Variants in DAZAP1 observed in about 807,000 individuals in gnomAD.
DAZAP1 encodes DAZ associated protein 1, also known as DAZ-associated protein 1.
DAZAP1 carries 6 observed loss-of-function variants against 60.1 expected under a neutral mutation model. That is an observed-to-expected ratio of 0.10 (90% confidence interval 0.05 to 0.20). The LOEUF (loss-of-function observed/expected upper bound fraction) is 0.20, where lower values mean the gene tolerates loss of function less well. Among genes scored for constraint, DAZAP1 ranks in the 10% least tolerant of loss-of-function variants. The pLI is 1.00. For synonymous variants in DAZAP1, 235 were observed against 215.9 expected, an observed-to-expected ratio of 1.09 and a Z score of -0.78; for missense variants, 366 against 560.4, an observed-to-expected ratio of 0.65 and a Z score of 3.50.
chr19:1,409,711 C>T (rs2082770323), intron 1 of DAZAP1: 1 of 152,506 alleles, frequency 6.6e-6, no homozygotes, highest in South Asian at 2.1e-4. Context: ...TGCTTGTGAC[C>T]CTGCGAAGCG....
rs1290769008 is a variant in DAZAP1 at position 1,422,551 on chromosome 19, T to G, written c.463+155T>G. On this transcript the variant is annotated intron_variant, in intron 6 of 11. Transcript: ENST00000233078. The surrounding 1 kb of genome is among the most constrained non-coding windows in gnomAD (Gnocchi z 4.5). Reference sequence around the variant, plus strand: ...AAATGACTAAAACGTGGGCTCCTCATGTGCACCCCATTCAGCCTGTCTGTG... The same window carrying G: ...AAATGACTAAAACGTGGGCTCCTCAGGTGCACCCCATTCAGCCTGTCTGTG... 1.3e-5 allele frequency among the ~76,000 whole-genome samples: 2 copies of G among 152,226 alleles called. No homozygotes were observed. Among genetic ancestry groups the G allele is most frequent in the Non-Finnish European group, 2.9e-5 (2 of 68,032 alleles).
rs750188099 is a variant in DAZAP1 at position 1,434,846 on chromosome 19, C to A, written c.1158C>A (p.Ala386=). 8.1e-6 allele frequency: 13 copies of A among 1,603,368 alleles called. No individual in the cohort carries two copies. The African/African-American group carries it at 1.6e-4, about 20-fold the overall frequency. Residue 386 remains alanine, a synonymous_variant, in exon 12 of 12, where the codon GCC becomes GCA. Transcript: ENST00000233078. This position sits in a 1 kb window ranked among gnomAD's most constrained non-coding sequence, Gnocchi z 8.0. The part of the protein sequence containing the change: ...PSVPGSGGPP[A]GGSGFGRGQN... ...TGCCAGGGTCGGGGGGCCCCCCCGC[C>A]GGCGGCAGCGGCTTTGGACGAGGGC...
In DAZAP1 at chr19:1,418,383, C is replaced by G; in HGVS notation, c.237+13C>G. 6.2e-7 allele frequency: 1 copy of G among 1,609,934 alleles called. No individual in the cohort carries two copies. Among genetic ancestry groups the G allele is most frequent in the Non-Finnish European group, 8.5e-7 (1 of 1,177,010 alleles). ...AGATGGCCGAAACGTAAGTGCCCTT[C>G]CGGGAGCTCACACCCGCTCTCTGTC... On this transcript the variant is annotated intron_variant, in intron 3 of 11. Coordinates refer to ENST00000233078, the MANE Select transcript of DAZAP1 (RefSeq NM_018959.4). The surrounding 1 kb of genome is among the most constrained non-coding windows in gnomAD (Gnocchi z 5.7).
rs187218120 is a variant in DAZAP1, at chr19:1,433,218, C to T, written c.1048+528C>T. On this transcript the variant is annotated intron_variant, in intron 11 of 11. Coordinates refer to ENST00000233078, the MANE Select transcript of DAZAP1 (RefSeq NM_018959.4). This position sits in a 1 kb window ranked among gnomAD's most constrained non-coding sequence, Gnocchi z 6.1. ...GATCTGCAGGCAGCGCATGTGCTTC[C>T]GGGGCAGGAGCTTGTGGGGGGGCGG... The T allele has an allele frequency of 1.3e-3, 202 of 159,818 alleles. No individual in the cohort carries two copies. The highest frequency in any genetic ancestry group is 1.9e-3 in the Non-Finnish European group (151 of 79,960). 9.9% of individuals were successfully genotyped at this position (159,818 alleles called of 1,614,324 possible).
intron 8 of DAZAP1, among the ~76,000 whole-genome samples, chr19:1,429,355 G>A (rs2144897377): frequency 6.6e-6 from 1 of 152,266 alleles, no homozygotes; most frequent in East Asian, 1.9e-4. Context: ...TCGGGGTGCT[G>A]CCCCTGGGGG....
At chr19:1,411,187 C>T (rs1416367011) in intron 1 of DAZAP1, among the ~76,000 whole-genome samples, 1 of 152,230 alleles carries the variant, frequency 6.6e-6, no homozygotes, top group Admixed American at 6.5e-5. Context: ...GCCGTGCCGG[C>T]CTTTCTGGGG....
Position 1,432,316 on chromosome 19 carries a change from T to G in DAZAP1, c.872-198T>G. 3 of 620,238 alleles carry G rather than the reference T, an allele frequency of 4.8e-6. No individual in the cohort carries two copies. The highest frequency in any genetic ancestry group is 8.6e-6 in the Non-Finnish European group (3 of 350,236). The allele number at this position is 620,238 out of a possible 1,614,324, so 38.4% of individuals were successfully genotyped here. ...CAGCATCCCGCCACGCTCCCAGGAG[T>G]GTGTGTTTCCTGGGGGGAGCGGCCC... On this transcript the variant is annotated intron_variant, in intron 10 of 11. Transcript: ENST00000233078. The surrounding 1 kb of genome is among the most constrained non-coding windows in gnomAD (Gnocchi z 4.9).
At chr19:1,409,455 G>T (rs2082761454) in intron 1 of DAZAP1, among the ~76,000 whole-genome samples, 1 of 152,234 alleles carries the variant, frequency 6.6e-6, no homozygotes, top group Non-Finnish European at 1.5e-5. Flanking sequence ...GTCTGGAGGG[G>T]TCCCACCCAC....
chr19:1,435,335 A>C lies in DAZAP1; in HGVS notation c.*423A>C, dbSNP rs1158524838. On this transcript the variant is annotated 3_prime_UTR_variant, in exon 12 of 12. Transcript: ENST00000233078. ...ACGATGTATACTGGCTTATTTTTTA[A>C]TTTAAAACGGGGTTTCCGTCGGCAC... The C allele has an allele frequency of 6.6e-6, 1 of 152,458 alleles. No individual in the cohort carries two copies. The highest frequency in any genetic ancestry group is 1.5e-5 in the Non-Finnish European group (1 of 68,104). The allele number at this position is 152,458 out of a possible 1,614,324, so 9.4% of individuals were successfully genotyped here.
In DAZAP1 at chr19:1,420,484, G is replaced by GA. The variant is rs1336006438; in HGVS notation, c.304-650dup. Among the ~76,000 whole-genome samples, 889 of 140,948 alleles carry GA rather than the reference G, an allele frequency of 6.3e-3. 5 individuals carry two copies. The highest frequency in any genetic ancestry group is 0.019 in the African/African-American group (744 of 38,492). The allele number at this position is 140,948 out of a possible 152,430, so 92.5% of individuals were successfully genotyped here. A position where few individuals can be genotyped will look rare whatever the true frequency, so the allele number is the denominator to read the frequency against. ...TTAAAATGTGATAGCCTTGGATAGGGAAAAAAAAAAAAAAGGATGGTTGGT... is the reference window on the plus strand; with the variant it reads ...TTAAAATGTGATAGCCTTGGATAGGGAAAAAAAAAAAAAAAGGATGGTTGGT... On this transcript the variant is annotated intron_variant, in intron 4 of 11. Transcript: ENST00000233078.
chr19:1,413,172 T>C (rs2082877660), intron 1 of DAZAP1, among the ~76,000 whole-genome samples: 1 of 152,200 alleles, frequency 6.6e-6, no homozygotes, highest in Admixed American at 6.5e-5. Context: ...TGAGCAAGCC[T>C]GGAGCTGAGG....
chr19:1,422,545 T>C lies in DAZAP1; in HGVS notation c.463+149T>C. On this transcript the variant is annotated intron_variant, in intron 6 of 11. Coordinates refer to ENST00000233078, the MANE Select transcript of DAZAP1 (RefSeq NM_018959.4). This position sits in a 1 kb window ranked among gnomAD's most constrained non-coding sequence, Gnocchi z 4.5. ...GGAGACAAATGACTAAAACGTGGGC[T>C]CCTCATGTGCACCCCATTCAGCCTG... 2 of 666,666 alleles carry C rather than the reference T, an allele frequency of 3.0e-6. No homozygotes were observed. The highest frequency in any genetic ancestry group is 3.6e-5 in the South Asian group (2 of 55,184). 41.3% of individuals were successfully genotyped at this position (666,666 alleles called of 1,614,324 possible). A position where few individuals can be genotyped will look rare whatever the true frequency, so the allele number is the denominator to read the frequency against.
At chr19:1,431,710 C>T (rs1450376175) in intron 10 of DAZAP1, among the ~76,000 whole-genome samples, 1 of 152,238 alleles carries the variant, frequency 6.6e-6, no homozygotes, top group African/African-American at 2.4e-5. Flanking sequence ...GGTCTTGGCA[C>T]CCTCCAGTAG....
At position 1,433,774 on chromosome 19, in the gene DAZAP1, G is replaced by A. The variant is rs766402582; in HGVS notation, c.1049-963G>A. 6.8e-6 allele frequency: 11 copies of A among 1,613,980 alleles called. No homozygotes were observed. The South Asian group carries it at 7.7e-5, about 11-fold the overall frequency. Reference sequence around the variant, plus strand: ...CTATTCTCCAGCCCCGCCGGGCTGCGGCCCACACTTTGTTTACAGTCTTAT... The same window carrying A: ...CTATTCTCCAGCCCCGCCGGGCTGCAGCCCACACTTTGTTTACAGTCTTAT... On this transcript the variant is annotated intron_variant, in intron 11 of 11. Transcript: ENST00000233078. This position sits in a 1 kb window ranked among gnomAD's most constrained non-coding sequence, Gnocchi z 6.1.
In DAZAP1 at chr19:1,434,954, C is replaced by A; in HGVS notation, c.*42C>A. On this transcript the variant is annotated 3_prime_UTR_variant, in exon 12 of 12. Transcript: ENST00000233078. This position sits in a 1 kb window ranked among gnomAD's most constrained non-coding sequence, Gnocchi z 8.0. ...GTCTGCACGGCCCAGACCCAGGATTCCAAACTTGTGAACTCGTGACAATCA... is the reference window on the plus strand; with the variant it reads ...GTCTGCACGGCCCAGACCCAGGATTACAAACTTGTGAACTCGTGACAATCA... The A allele has an allele frequency of 1.6e-6, 2 of 1,260,052 alleles. No homozygotes were observed. Among genetic ancestry groups the A allele is most frequent in the South Asian group, 2.5e-5 (1 of 39,964 alleles). 78.1% of individuals were successfully genotyped at this position (1,260,052 alleles called of 1,614,324 possible).
intron 1 of DAZAP1, among the ~76,000 whole-genome samples, chr19:1,408,078 G>A (rs1271640195): frequency 6.6e-6 from 1 of 151,818 alleles, no homozygotes; most frequent in East Asian, 1.9e-4. Flanking sequence ...CCCCGCCGCC[G>A]CCTCCAGACT....
chr19:1,419,070 C>T (rs2083072135), intron 4 of DAZAP1, among the ~76,000 whole-genome samples: 1 of 148,096 alleles, frequency 6.8e-6, no homozygotes, highest in Admixed American at 6.7e-5. Context: ...GCCATCCTTC[C>T]ACTGCCGGGG....
intron 9 of DAZAP1, 87 bp from the exon 10 acceptor site, chr19:1,430,135 A>G: frequency 6.7e-7 from 1 of 1,498,520 alleles, no homozygotes; most frequent in Non-Finnish European, 9.2e-7. Flanking sequence ...GGGGCCTGCT[A>G]GGGCCCCTGG....
chr19:1,420,428 A>C (rs1248738277), intron 4 of DAZAP1, among the ~76,000 whole-genome samples: 1 of 151,902 alleles, frequency 6.6e-6, no homozygotes, highest in Non-Finnish European at 1.5e-5. Context: ...TCAAAGGTTT[A>C]TAGTCTTTTA....
Sources: allele counts gnomAD v4.1 joint callset (sites outside exome capture counted in the v4.1 genomes callset), GRCh38; gene constraint gnomAD v4.1.1; non-coding constraint Gnocchi (gnomAD v3.1); transcripts MANE v1.5; gene names NCBI Gene and HGNC (gene_info 2026-07-23, HGNC 2026-07-21).